MTMR7: variants seen among roughly 807,000 people sequenced by gnomAD.
MTMR7 encodes the protein phosphatidylinositol-3-phosphate phosphatase MTMR7.
MTMR7 carries 76 observed loss-of-function variants against 81.2 expected under a neutral mutation model. That is an observed-to-expected ratio of 0.94 (90% CI 0.78 to 1.13). The LOEUF (loss-of-function observed/expected upper bound fraction) is 1.13. Ranked by LOEUF, MTMR7 falls within the 50% of genes most tolerant of loss-of-function variation. The pLI, the probability that MTMR7 is intolerant of heterozygous loss-of-function variation, is 0.00. For synonymous variants in MTMR7, 372 were observed against 289.8 expected, an observed-to-expected ratio of 1.28 and a Z score of -2.88; for missense variants, 1,044 against 820.0, an observed-to-expected ratio of 1.27 and a Z score of -3.34.
In MTMR7 at chr8:17,403,112, T is replaced by C. The variant is rs536294228; in HGVS notation, c.24+10157A>G. Among the ~76,000 whole-genome samples, 3 of 152,338 alleles carry C rather than the reference T, an allele frequency of 2.0e-5. No homozygotes were observed. The South Asian group carries it at 6.2e-4, about 32-fold the overall frequency. On this transcript the variant is annotated intron_variant, in intron 1 of 13. Coordinates refer to ENST00000180173, the MANE Select transcript of MTMR7 (RefSeq NM_004686.5). ...TCAGATTATTAGATTTTTTTTCCTATAGAGTTGTTTGAGCCCCTTATATAT... is the reference window on the plus strand; with the variant it reads ...TCAGATTATTAGATTTTTTTTCCTACAGAGTTGTTTGAGCCCCTTATATAT...
chr8:17,321,333 C>A (rs763345512), intron 7 of MTMR7, among the ~76,000 whole-genome samples: 1 of 152,228 alleles, frequency 6.6e-6, no homozygotes, highest in Non-Finnish European at 1.5e-5. Flanking sequence ...AGTTAGCTCT[C>A]AGCAATGGGA....
In MTMR7 at chr8:17,309,269, T is replaced by C; in HGVS notation, c.1151+8A>G. ...TAAACATTCAAAACAGTCTTAAATA[T>C]TACTTACCGGTGATTAAACTTATGA... On this transcript the variant is annotated splice_region_variant and intron_variant, in intron 10 of 13. Transcript: ENST00000180173. The C allele has an allele frequency of 6.6e-7, 1 of 1,506,678 alleles. No individual in the cohort carries two copies. The highest frequency in any genetic ancestry group is 9.2e-7 in the Non-Finnish European group (1 of 1,084,370). 93.3% of individuals were successfully genotyped at this position (1,506,678 alleles called of 1,614,324 possible). A position where few individuals can be genotyped will look rare whatever the true frequency, so the allele number is the denominator to read the frequency against.
chr8:17,330,792 C>T (rs1366995470), intron 7 of MTMR7, among the ~76,000 whole-genome samples: 3 of 152,158 alleles, frequency 2.0e-5, no homozygotes, highest in African/African-American at 2.4e-5. Flanking sequence ...GATCTCCATA[C>T]AAGAATGGTT....
chr8:17,304,535 T>C lies in MTMR7; in HGVS notation c.1353-16A>G. On this transcript the variant is annotated splice_polypyrimidine_tract_variant and intron_variant, in intron 11 of 13. Coordinates refer to ENST00000180173, the MANE Select transcript of MTMR7 (RefSeq NM_004686.5). The stretch of plus-strand genomic sequence containing the variant: ...TTCTTGAATCCTGTTATAAAGAAAA[T>C]AAGTCTATAAATGACCTATTTTGGT... The C allele has an allele frequency of 1.2e-6, 2 of 1,610,546 alleles. No individual in the cohort carries two copies. Among genetic ancestry groups the C allele is most frequent in the East Asian group, 4.5e-5 (2 of 44,790 alleles).
At chr8:17,361,337 G>A (rs987397879) in intron 3 of MTMR7, 63 bp from the exon 4 acceptor site, 44 of 1,585,802 alleles carry the variant, frequency 2.8e-5, no homozygotes, top group Admixed American at 2.7e-4. Flanking sequence ...AAATCTCCCC[G>A]AAAACATTCT....
chr8:17,409,365 C>G (rs1308715405), intron 1 of MTMR7, among the ~76,000 whole-genome samples: 1 of 152,066 alleles, frequency 6.6e-6, no homozygotes, highest in African/African-American at 2.4e-5. Flanking sequence ...GAGGCTGAGG[C>G]AGGAGAATCA....
chr8:17,349,933 T>G (rs1819678565), intron 4 of MTMR7, among the ~76,000 whole-genome samples: 1 of 152,188 alleles, frequency 6.6e-6, no homozygotes, highest in Non-Finnish European at 1.5e-5. Context: ...TGTGGTTTGC[T>G]AATCTCTAGA....
Position 17,297,944 on chromosome 8 carries a change from CAT to C in MTMR7, c.*1916_*1917del, listed in dbSNP as rs1491495484. On this transcript the variant is annotated 3_prime_UTR_variant, in exon 14 of 14. Coordinates refer to ENST00000180173, the MANE Select transcript of MTMR7 (RefSeq NM_004686.5). ...TTTATGACTCTGATATGGAAGTTGT[CAT>C]ATTAAAAAACTACATTTTAAAACAT... 6.6e-6 allele frequency: 1 copy of C among 152,018 alleles called. No homozygotes were observed. 9.4% of individuals were successfully genotyped at this position (152,018 alleles called of 1,614,324 possible). A position where few individuals can be genotyped will look rare whatever the true frequency, so the allele number is the denominator to read the frequency against.
intron 1 of MTMR7, among the ~76,000 whole-genome samples, chr8:17,390,513 G>A (rs1049813194): frequency 2.0e-5 from 3 of 152,186 alleles, no homozygotes; most frequent in African/African-American, 4.8e-5. Context: ...CCACGTATGT[G>A]TGCCAGAAGA....
chr8:17,343,524 C>T (rs182372402), intron 5 of MTMR7, among the ~76,000 whole-genome samples: 3 of 152,050 alleles, frequency 2.0e-5, no homozygotes, highest in Admixed American at 1.3e-4. Flanking sequence ...ATTTAAATGA[C>T]GAGAATTTGA....
Position 17,298,771 on chromosome 8 carries a change from T to G in MTMR7, c.*1091A>C, listed in dbSNP as rs988056617. The G allele has an allele frequency of 1.0e-4, 16 of 152,704 alleles. No homozygotes were observed. The highest frequency in any genetic ancestry group is 3.4e-4 in the African/African-American group (14 of 41,554). 9.5% of individuals were successfully genotyped at this position (152,704 alleles called of 1,614,324 possible). ...GTCACCTAGTGAAGTCTTTTTTAAC[T>G]CATAAGATAGGGGAGGGACTCTCCC... On this transcript the variant is annotated 3_prime_UTR_variant, in exon 14 of 14. Coordinates refer to ENST00000180173, the MANE Select transcript of MTMR7 (RefSeq NM_004686.5).
rs752557255 is a variant in MTMR7, at chr8:17,392,104, T to G, written c.25-18864A>C. ...ACAAAGTCACGGAATCTTGGGTGTC[T>G]GGTCAAGAGGTTTAATTTCAAGCGT... On this transcript the variant is annotated intron_variant, in intron 1 of 13. Coordinates refer to ENST00000180173, the MANE Select transcript of MTMR7 (RefSeq NM_004686.5). Among the ~76,000 whole-genome samples the G allele has an allele frequency of 2.0e-5, 3 of 152,166 alleles. No individual in the cohort carries two copies. The East Asian group carries it at 5.8e-4, about 29-fold the overall frequency.
At chr8:17,332,549 G>A (rs141402528) in intron 6 of MTMR7, among the ~76,000 whole-genome samples, 272 of 152,286 alleles carry the variant, frequency 1.8e-3, no homozygotes, top group African/African-American at 6.1e-3. Flanking sequence ...ATATCATGAT[G>A]AGCCCATTGG....
intron 6 of MTMR7, among the ~76,000 whole-genome samples, chr8:17,335,069 C>G (rs902283182): frequency 1.3e-5 from 2 of 152,180 alleles, no homozygotes; most frequent in African/African-American, 4.8e-5. Flanking sequence ...CAGCGGAGAG[C>G]AACTCCAGGA....
intron 7 of MTMR7, among the ~76,000 whole-genome samples, chr8:17,315,953 C>A (rs1818045947): frequency 6.6e-6 from 1 of 152,182 alleles, no homozygotes; most frequent in South Asian, 2.1e-4. Flanking sequence ...TTTGAGGCTG[C>A]AGTGAGCTAT....
intron 1 of MTMR7, among the ~76,000 whole-genome samples, chr8:17,389,647 G>A (rs1015134930): frequency 1.3e-5 from 2 of 152,232 alleles, no homozygotes; most frequent in Admixed American, 1.3e-4. Flanking sequence ...GTAGAATTAA[G>A]TATGATTAAC....
At chr8:17,330,987 T>G (rs1276134995) in intron 7 of MTMR7, among the ~76,000 whole-genome samples, 163 bp downstream of exon 7, 1 of 152,166 alleles carries the variant, frequency 6.6e-6, no homozygotes, top group Non-Finnish European at 1.5e-5. Flanking sequence ...TGCTTACAAA[T>G]AAGAGAAACG....
chr8:17,323,440 G>A (rs1437351095), intron 7 of MTMR7, among the ~76,000 whole-genome samples: 2 of 152,058 alleles, frequency 1.3e-5, no homozygotes, highest in Non-Finnish European at 2.9e-5. Flanking sequence ...AGGGTTTAAG[G>A]GATGCTAAAA....
chr8:17,318,653 G>C (rs1422043703), intron 7 of MTMR7, among the ~76,000 whole-genome samples: 5 of 152,154 alleles, frequency 3.3e-5, no homozygotes, highest in African/African-American at 1.2e-4. Flanking sequence ...AGATTCTCTT[G>C]TCTGGATGGT....
Sources: allele counts gnomAD v4.1 joint callset (sites outside exome capture counted in the v4.1 genomes callset), GRCh38; gene constraint gnomAD v4.1.1; transcripts MANE v1.5; gene names NCBI Gene and HGNC (gene_info 2026-07-23, HGNC 2026-07-21).